RICTOR: variants seen among roughly 807,000 people sequenced by gnomAD.
RICTOR encodes rapamycin-insensitive companion of mTOR.
A neutral mutation model predicts 214.9 loss-of-function variants in RICTOR; 49 were observed. The ratio of observed to expected loss-of-function variants is 0.23; its 90% confidence interval spans 0.18 to 0.29. The LOEUF is 0.29. RICTOR is among the 10% of genes least tolerant of loss of function. The probability of loss-of-function intolerance (pLI) is 1.00; values close to 1 mark genes in which losing one functional copy is unlikely to be tolerated. For missense variants in RICTOR, 1,625 were observed against 2,047.0 expected (o/e 0.79, Z 3.98); for synonymous variants, 717 against 711.3 (o/e 1.01, Z -0.13).
At chr5:39,060,394 A>C (rs533155323) in intron 2 of RICTOR, among the ~76,000 whole-genome samples, 1 of 152,096 alleles carries the variant, frequency 6.6e-6, no homozygotes, top group Non-Finnish European at 1.5e-5. Flanking sequence ...CTACAGCACA[A>C]TAAAAGTAAA....
chr5:39,039,805 A>T (rs577976518), intron 2 of RICTOR, among the ~76,000 whole-genome samples: 1 of 152,340 alleles, frequency 6.6e-6, no homozygotes, highest in African/African-American at 2.4e-5. Context: ...ATCATTAAAA[A>T]GTCAGGAAAC....
intron 2 of RICTOR, among the ~76,000 whole-genome samples, chr5:39,038,599 G>A (rs1285351118): frequency 6.6e-6 from 1 of 152,212 alleles, no homozygotes; most frequent in Non-Finnish European, 1.5e-5. Context: ...ATCTCCTTAA[G>A]CTGATAAGTA....
chr5:39,001,779 C>T (rs1403307914), intron 5 of RICTOR, among the ~76,000 whole-genome samples: 2 of 151,988 alleles, frequency 1.3e-5, no homozygotes, highest in Non-Finnish European at 2.9e-5. Flanking sequence ...TCATCACTCA[C>T]CGGGGAACAC....
intron 5 of RICTOR, among the ~76,000 whole-genome samples, chr5:38,997,209 A>G (rs1753245865): frequency 6.6e-6 from 1 of 152,184 alleles, no homozygotes; most frequent in African/African-American, 2.4e-5. Context: ...TATCTCTGAT[A>G]AAATTCAGAC....
chr5:39,040,775 T>C (rs1027503263), intron 2 of RICTOR, among the ~76,000 whole-genome samples: 2 of 152,148 alleles, frequency 1.3e-5, no homozygotes, highest in Non-Finnish European at 2.9e-5. Flanking sequence ...CTACGCAGTA[T>C]TTCAATTTCT....
Position 38,940,529 on chromosome 5 carries a change from A to C in RICTOR, c.*1775T>G, listed in dbSNP as rs1458804044. Reference sequence around the variant, plus strand: ...AAGTACTGTTGACATTTAAATAAACACTTGGGTTCAGTGATAAAGTATAAA... The same window carrying C: ...AAGTACTGTTGACATTTAAATAAACCCTTGGGTTCAGTGATAAAGTATAAA... On this transcript the variant is annotated 3_prime_UTR_variant, in exon 38 of 38. Coordinates refer to ENST00000357387, the MANE Select transcript of RICTOR (RefSeq NM_152756.5). 1 of 232,614 alleles carries C rather than the reference A, an allele frequency of 4.3e-6. No individual in the cohort carries two copies. Among genetic ancestry groups the C allele is most frequent in the African/African-American group, 2.2e-5 (1 of 45,302 alleles). The allele number at this position is 232,614 out of a possible 1,614,324, so 14.4% of individuals were successfully genotyped here.
rs1464657063 is a variant in RICTOR at position 39,003,449 on chromosome 5, A to G, written c.260+109T>C. ...TTCTAATGTTCAAGCAACTATTTCT[A>G]TAAAATCAAATATGAGGTGCTGTAT... On this transcript the variant is annotated intron_variant, in intron 4 of 37. Transcript: ENST00000357387. 4.4e-6 allele frequency: 3 copies of G among 676,200 alleles called. No homozygotes were observed. In the African/African-American group the frequency reaches 5.6e-5, roughly 13 times the overall value. The allele number at this position is 676,200 out of a possible 1,614,324, so 41.9% of individuals were successfully genotyped here.
At chr5:39,002,400 G>A (rs1239251) in intron 5 of RICTOR, 135 bp downstream of exon 5, 3,868 of 363,538 alleles carry the variant, frequency 0.011, 110 homozygotes, top group African/African-American at 0.1. Context: ...GTGTGTGTGT[G>A]TATATATATA....
intron 5 of RICTOR, among the ~76,000 whole-genome samples, chr5:39,002,121 C>A (rs1753669481): frequency 8.2e-6 from 1 of 121,678 alleles, no homozygotes; most frequent in African/African-American, 3.3e-5. Flanking sequence ...AAAGCTTCAA[C>A]AGAATGGAAT....
rs370197935 is a variant in RICTOR at position 38,990,704 on chromosome 5, G to GATAT, written c.583+241_583+244dup. On this transcript the variant is annotated intron_variant, in intron 7 of 37. Coordinates refer to ENST00000357387, the MANE Select transcript of RICTOR (RefSeq NM_152756.5). The stretch of plus-strand genomic sequence containing the variant: ...TATATCATATATATGATATATATCA[G>GATAT]ATATGATATATATGATATATATCAT... 3.0e-3 allele frequency among the ~76,000 whole-genome samples: 137 copies of GATAT among 45,242 alleles called. 6 individuals are homozygous for GATAT. Among genetic ancestry groups the GATAT allele is most frequent in the African/African-American group, 8.1e-3 (107 of 13,160 alleles). The allele number at this position is 45,242 out of a possible 152,430, so 29.7% of individuals were successfully genotyped here.
chr5:38,993,015 AG>A (rs1286766184), intron 6 of RICTOR, among the ~76,000 whole-genome samples: 1 of 152,158 alleles, frequency 6.6e-6, no homozygotes, highest in Non-Finnish European at 1.5e-5. Context: ...AATGAAGAGT[AG>A]GAAGGAAGTA....
chr5:39,038,678 A>G (rs1756928300), intron 2 of RICTOR, among the ~76,000 whole-genome samples: 1 of 152,208 alleles, frequency 6.6e-6, no homozygotes, highest in Non-Finnish European at 1.5e-5. Context: ...CACCAATAAC[A>G]GACAGACAGC....
In RICTOR at chr5:39,071,100, T is replaced by C. The variant is rs374975390; in HGVS notation, c.97+3011A>G. 6.0e-4 allele frequency among the ~76,000 whole-genome samples: 92 copies of C among 152,322 alleles called. 1 individual carries two copies. The South Asian group carries it at 0.019, about 31-fold the overall frequency. ...CCAAAACCAACGAAACTTAGAATTC[T>C]TCTGAGCCTCAAGAAGCTTGCAAGG... On this transcript the variant is annotated intron_variant, in intron 2 of 37. Transcript: ENST00000357387.
chr5:39,062,032 A>T (rs1030503264), intron 2 of RICTOR, among the ~76,000 whole-genome samples: 2 of 152,196 alleles, frequency 1.3e-5, no homozygotes, highest in Non-Finnish European at 1.5e-5. Context: ...TGTAAGAATT[A>T]TTCTTATATA....
At chr5:38,951,163 C>G (rs1748752746) in intron 30 of RICTOR, among the ~76,000 whole-genome samples, 1 of 151,874 alleles carries the variant, frequency 6.6e-6, no homozygotes, top group Admixed American at 6.6e-5. Flanking sequence ...AATATACTTA[C>G]AGAGAACCAA....
intron 5 of RICTOR, among the ~76,000 whole-genome samples, 153 bp downstream of exon 5, chr5:39,002,382 T>TTG (rs112241926): frequency 0.13 from 19,058 of 146,610 alleles, 1,334 homozygotes; most frequent in Middle Eastern, 0.19. Context: ...TGTTACTTGG[T>TTG]TGTGTGTGTG....
intron 7 of RICTOR, among the ~76,000 whole-genome samples, chr5:38,984,325 T>C (rs1751976486): frequency 1.3e-5 from 2 of 152,242 alleles, no homozygotes; most frequent in African/African-American, 4.8e-5. Context: ...ATTAACAATT[T>C]AGATTACATA....
chr5:38,984,006 C>A (rs1189346626), intron 7 of RICTOR, among the ~76,000 whole-genome samples: 3 of 151,636 alleles, frequency 2.0e-5, no homozygotes, highest in East Asian at 3.9e-4. Flanking sequence ...AAATCTGTAT[C>A]TTTTTAATGC....
At chr5:39,071,769 T>C (rs1250661097) in intron 2 of RICTOR, among the ~76,000 whole-genome samples, 1 of 152,204 alleles carries the variant, frequency 6.6e-6, no homozygotes, top group Non-Finnish European at 1.5e-5. Flanking sequence ...TGAGCTTTAT[T>C]AGGTAACTAC....
Sources: gnomAD v4.1 joint callset for allele counts (sites outside exome capture counted in the v4.1 genomes callset) on GRCh38, gnomAD v4.1.1 for gene constraint, MANE v1.5 for transcripts, NCBI Gene and HGNC (gene_info 2026-07-23, HGNC 2026-07-21) for gene names.